Variants in TRIM54 observed in about 807,000 individuals in gnomAD.
The protein encoded by TRIM54 is tripartite motif containing 54.
TRIM54 carries 40 observed loss-of-function variants against 42.0 expected under a neutral mutation model. The ratio of observed to expected loss-of-function variants is 0.95; its 90% CI spans 0.74 to 1.24. TRIM54 has a LOEUF of 1.24. TRIM54 is among the 50% of genes most tolerant of loss of function. TRIM54 has a pLI of 0.00. For missense variants in TRIM54, 485 were observed against 480.3 expected (o/e 1.01, Z -0.09); for synonymous variants, 199 against 194.9 (o/e 1.02, Z -0.17).
In TRIM54 at chr2:27,302,108, T is replaced by C. The variant is rs560915754; in HGVS notation, c.513+2692T>C. On this transcript the variant is annotated intron_variant, in intron 3 of 8. Coordinates refer to ENST00000380075, the MANE Select transcript of TRIM54 (RefSeq NM_187841.3). ...GGCGGAGGTTGCAGTGAGCTGAGAT[T>C]GCGCTATTGCATTCCAGCCTGGGCA... Among the ~76,000 whole-genome samples the C allele has an allele frequency of 5.3e-5, 8 of 151,176 alleles. No homozygotes were observed. The East Asian group carries it at 1.6e-3, about 30-fold the overall frequency.
chr2:27,306,429 A>C lies in TRIM54; in HGVS notation c.992-27A>C, dbSNP rs768564076. On this transcript the variant is annotated intron_variant, in intron 7 of 8. Coordinates refer to ENST00000380075, the MANE Select transcript of TRIM54 (RefSeq NM_187841.3). The surrounding 1 kb of genome is among the most constrained non-coding windows in gnomAD (Gnocchi z 6.1). ...CGATGGCCGTAAAGGCAGGGACTCCACCTCACCAGGCCTTCCTTGGGCTCA... is the reference window on the plus strand; with the variant it reads ...CGATGGCCGTAAAGGCAGGGACTCCCCCTCACCAGGCCTTCCTTGGGCTCA... 130 of 1,606,952 alleles carry C rather than the reference A, an allele frequency of 8.1e-5. No homozygotes were observed. Among genetic ancestry groups the C allele is most frequent in the Non-Finnish European group, 1.1e-4 (127 of 1,176,832 alleles).
rs138433323 is a variant in TRIM54 at position 27,282,887 on chromosome 2, C to T, written c.156C>T (p.Asn52=). Residue 52 remains asparagine, a synonymous_variant, in exon 1 of 9, where the codon AAC becomes AAT. Transcript: ENST00000380075. ...CQHNLCRKCA[N]DVFQASNPLW... ...ACAACCTGTGCCGCAAATGTGCCAA[C>T]GACGTCTTCCAGGTGGGTGCCAGGG... The T allele has an allele frequency of 1.7e-5, 27 of 1,612,006 alleles. No homozygotes were observed. The highest frequency in any genetic ancestry group is 1.6e-4 in the Middle Eastern group (1 of 6,076).
rs1678939672 is a variant in TRIM54 at position 27,298,710 on chromosome 2, T to G, written c.312T>G (p.Ile104Met). ...AGCGAAACCTGCTAGTGGAGAACAT[T>G]ATCGACATTTACAAGCAGGAGTCAT... Reference protein sequence around the residue: ...GLQRNLLVENIIDIYKQESSR... With the variant: ...GLQRNLLVENMIDIYKQESSR... The change falls in exon 2 of 9, where the codon ATT (isoleucine) becomes ATG (methionine). Residue 104 changes from isoleucine to methionine, a missense_variant. Physicochemically the swap from Ile to Met is conservative, Grantham distance 10 (BLOSUM62 1). Transcript: ENST00000380075. 11 of 1,613,896 alleles carry G rather than the reference T, an allele frequency of 6.8e-6. No individual in the cohort carries two copies. Among genetic ancestry groups the G allele is most frequent in the Admixed American group, 1.7e-5 (1 of 59,988 alleles).
At chr2:27,296,298 A>C (rs2148196306) in intron 1 of TRIM54, among the ~76,000 whole-genome samples, 1 of 152,294 alleles carries the variant, frequency 6.6e-6, no homozygotes, top group Non-Finnish European at 1.5e-5. Context: ...CATGCATCCC[A>C]GTTGTAGGAA....
At chr2:27,304,849 T>TG (rs967478324) in intron 3 of TRIM54, 110 bp from the exon 4 acceptor site, 5 of 798,378 alleles carry the variant, frequency 6.3e-6, no homozygotes, top group Admixed American at 4.5e-5. Flanking sequence ...GATGCCCTTA[T>TG]GGGGGGTGAG....
At chr2:27,300,572 G>GTAGTAGTAGTACTAATAATAATATTTAT (rs1558588637) in intron 3 of TRIM54, among the ~76,000 whole-genome samples, 57 of 104,562 alleles carry the variant, frequency 5.5e-4, no homozygotes, top group East Asian at 1.0e-3. Flanking sequence ...ATATTTATTA[G>GTAGTAGTAGTACTAATAATAATATTTAT]TAGTAGTAGT....
chr2:27,289,898 G>A (rs1678673693), intron 1 of TRIM54, among the ~76,000 whole-genome samples: 1 of 121,254 alleles, frequency 8.2e-6, no homozygotes, highest in African/African-American at 3.2e-5. Context: ...TTGAGACAGA[G>A]TCTCGCTCAG....
At position 27,306,478 on chromosome 2, in the gene TRIM54, G is replaced by T. The variant is rs776997844; in HGVS notation, c.1014G>T (p.Glu338Asp). The T allele has an allele frequency of 3.8e-6, 6 of 1,590,142 alleles. No homozygotes were observed. The highest frequency in any genetic ancestry group is 2.7e-5 in the African/African-American group (2 of 74,492). ...CAGGCGCTTCCGGGGAGGAAGAGGAGGTGGCCCCAGACGGAGAGGAGGGCA... is the reference window on the plus strand; with the variant it reads ...CAGGCGCTTCCGGGGAGGAAGAGGATGTGGCCCCAGACGGAGAGGAGGGCA... ...FQPGASGEEE[E>D]VAPDGEEGSA... Residue 338 changes from glutamate (E) to aspartate (D), a missense_variant, in exon 8 of 9, where the codon GAG becomes GAT. Glu to Asp is a conservative substitution (Grantham distance 45, BLOSUM62 2). Transcript: ENST00000380075. This position sits in a 1 kb window ranked among gnomAD's most constrained non-coding sequence, Gnocchi z 6.1.
chr2:27,301,242 C>T (rs1290428113), intron 3 of TRIM54, among the ~76,000 whole-genome samples: 3 of 151,118 alleles, frequency 2.0e-5, no homozygotes, highest in South Asian at 2.1e-4. Context: ...CAGATTCAAG[C>T]GATTCTCCTG....
Position 27,306,532 on chromosome 2 carries a change from TG to T in TRIM54, c.1071del (p.Pro358LeufsTer15). ...CGGGGCCGGAGGAAGAGCGGCCGGA[TG>T]GGCCTTAAGGTGAGAGCCGCCCGAT... ...SAGPEEERPD[G>X]P On this transcript the variant is annotated frameshift_variant, in exon 8 of 9. Transcript: ENST00000380075. LOFTEE classifies it high-confidence loss of function. This position sits in a 1 kb window ranked among gnomAD's most constrained non-coding sequence, Gnocchi z 6.1. The T allele has an allele frequency of 6.4e-7, 1 of 1,552,904 alleles. No homozygotes were observed. Among genetic ancestry groups the T allele is most frequent in the Non-Finnish European group, 8.7e-7 (1 of 1,148,512 alleles).
At chr2:27,305,950 G>T in intron 5 of TRIM54, 130 bp from the exon 6 acceptor site, 1 of 1,409,644 alleles carries the variant, frequency 7.1e-7, no homozygotes, top group South Asian at 1.3e-5. Context: ...CCCCCTCTGA[G>T]TTCGTTTTCT....
intron 1 of TRIM54, among the ~76,000 whole-genome samples, chr2:27,294,287 C>T (rs1678805937): frequency 6.6e-6 from 1 of 151,868 alleles, no homozygotes; most frequent in South Asian, 2.1e-4. Context: ...AGCCATCTTG[C>T]TTTTTCTTCT....
chr2:27,288,083 C>T (rs1395997989), intron 1 of TRIM54, among the ~76,000 whole-genome samples: 3 of 152,244 alleles, frequency 2.0e-5, no homozygotes, highest in South Asian at 2.1e-4. Context: ...ACCTGCAGCT[C>T]AGCTTTTACC....
chr2:27,286,982 T>C (rs1033020651), intron 1 of TRIM54, among the ~76,000 whole-genome samples: 1 of 152,168 alleles, frequency 6.6e-6, no homozygotes, highest in African/African-American at 2.4e-5. Context: ...GCAAAATTGG[T>C]TCACTAAAAT....
At chr2:27,288,859 G>A (rs1243564032) in intron 1 of TRIM54, among the ~76,000 whole-genome samples, 1 of 152,192 alleles carries the variant, frequency 6.6e-6, no homozygotes, top group Non-Finnish European at 1.5e-5. Context: ...ATTGGCACGT[G>A]AAATTTTACT....
chr2:27,299,582 C>A, intron 3 of TRIM54, 166 bp downstream of exon 3: 1 of 1,435,640 alleles, frequency 7.0e-7, no homozygotes. Context: ...ACAAACACAA[C>A]TTACTGCAGC....
Position 27,301,168 on chromosome 2 carries a change from T to G in TRIM54, c.513+1752T>G, listed in dbSNP as rs1332191521. On this transcript the variant is annotated intron_variant, in intron 3 of 8. Transcript: ENST00000380075. ...TTTTTTTTTTTTTTTAGATGGAGTT[T>G]CGCTCTTGTCGCCCAGGCTGGAATG... Among the ~76,000 whole-genome samples, 21 of 149,358 alleles carry G rather than the reference T, an allele frequency of 1.4e-4. 1 individual carries two copies. Among genetic ancestry groups the G allele is most frequent in the Non-Finnish European group, 8.9e-5 (6 of 67,414 alleles).
Position 27,295,315 on chromosome 2 carries a change from AT to A in TRIM54, c.169-3244del, listed in dbSNP as rs1283406134. 5.9e-5 allele frequency among the ~76,000 whole-genome samples: 9 copies of A among 151,428 alleles called. No homozygotes were observed. The South Asian group carries it at 1.0e-3, about 18-fold the overall frequency. On this transcript the variant is annotated intron_variant, in intron 1 of 8. Transcript: ENST00000380075. ...GACACATGATAAGCCCTCAAAACAT[AT>A]TTTTTTTGAGACGGAGTTTCACTCT...
intron 3 of TRIM54, among the ~76,000 whole-genome samples, chr2:27,301,877 C>T (rs982567648): frequency 7.2e-5 from 11 of 152,024 alleles, no homozygotes; most frequent in Non-Finnish European, 1.3e-4. Context: ...TCAAGCAGGC[C>T]GGGCGGTGGC....
Sources: allele counts gnomAD v4.1 joint callset (sites outside exome capture counted in the v4.1 genomes callset), GRCh38; gene constraint gnomAD v4.1.1; non-coding constraint Gnocchi (gnomAD v3.1); transcripts MANE v1.5; gene names NCBI Gene and HGNC (gene_info 2026-07-23, HGNC 2026-07-21).